The following FHL5 variants were observed in gnomAD, a reference collection of about 807,000 sequenced individuals.
FHL5 encodes the protein four and a half LIM domains protein 5.
In FHL5, 33 loss-of-function variants were observed where a neutral mutation model predicts 32.0. The ratio of observed to expected loss-of-function variants is 1.03; its 90% CI spans 0.78 to 1.38. The LOEUF (loss-of-function observed/expected upper bound fraction) is 1.38, where lower values mean the gene tolerates loss of function less well. Ranked by LOEUF, FHL5 falls within the 40% of genes most tolerant of loss-of-function variation. FHL5 has a pLI of 0.00. For missense variants in FHL5, 336 were observed against 343.9 expected (o/e 0.98, Z 0.18); for synonymous variants, 114 against 113.6 (o/e 1.00, Z -0.02).
chr6:96,605,725 A>T (rs890548035), intron 3 of FHL5, among the ~76,000 whole-genome samples, 177 bp from the exon 4 acceptor site: 3 of 151,322 alleles, frequency 2.0e-5, no homozygotes, highest in Non-Finnish European at 4.4e-5. Context: ...TTTATTAACC[A>T]TTTTTTTTTC....
Position 96,613,095 on chromosome 6 carries a change from G to C in FHL5, c.691+2337G>C, listed in dbSNP as rs182308434. On this transcript the variant is annotated intron_variant, in intron 5 of 5. Coordinates refer to ENST00000450218, the MANE Select transcript of FHL5 (RefSeq NM_001322466.2). ...ATACTTGAAAATTGCTAAGAGAATA[G>C]ATTTTTAAATGTTCTCACCACACAC... Among the ~76,000 whole-genome samples, 324 of 152,164 alleles carry C rather than the reference G, an allele frequency of 2.1e-3. 1 individual carries two copies. The highest frequency in any genetic ancestry group is 5.1e-3 in the African/African-American group (211 of 41,538).
intron 1 of FHL5, among the ~76,000 whole-genome samples, chr6:96,593,640 A>T (rs891029115): frequency 6.6e-6 from 1 of 152,116 alleles, no homozygotes; most frequent in Non-Finnish European, 1.5e-5. Context: ...ATTGACCTCA[A>T]TCTTTGTCCC....
intron 1 of FHL5, among the ~76,000 whole-genome samples, chr6:96,591,968 G>A (rs1770928722): frequency 6.6e-6 from 1 of 152,062 alleles, no homozygotes; most frequent in Non-Finnish European, 1.5e-5. Flanking sequence ...ACAGAGATCA[G>A]GTACTTCACA....
chr6:96,591,194 C>T (rs1431211243), intron 1 of FHL5, among the ~76,000 whole-genome samples: 1 of 152,054 alleles, frequency 6.6e-6, no homozygotes, highest in Non-Finnish European at 1.5e-5. Flanking sequence ...CTGGTAAAGC[C>T]ACTTTGGCTT....
chr6:96,618,120 A>T lies in FHL5; in HGVS notation c.*2348A>T, dbSNP rs1239487543. Reference sequence around the variant, plus strand: ...CACATATGCAAAACAACTAAGAAAAAGACCTCCTTAGGTCTTTGCGTAACA... The same window carrying T: ...CACATATGCAAAACAACTAAGAAAATGACCTCCTTAGGTCTTTGCGTAACA... On this transcript the variant is annotated 3_prime_UTR_variant, in exon 6 of 6. Transcript: ENST00000450218. 2.6e-5 allele frequency among the ~76,000 whole-genome samples: 4 copies of T among 152,228 alleles called. No homozygotes were observed. Among genetic ancestry groups the T allele is most frequent in the Non-Finnish European group, 5.9e-5 (4 of 68,042 alleles).
At chr6:96,585,811 C>T (rs910719533) in intron 1 of FHL5, among the ~76,000 whole-genome samples, 10 of 152,132 alleles carry the variant, frequency 6.6e-5, no homozygotes, top group Non-Finnish European at 1.3e-4. Context: ...TAATTATATC[C>T]TAGTGCACTT....
At chr6:96,609,229 C>T (rs998789202) in intron 4 of FHL5, among the ~76,000 whole-genome samples, 5 of 152,030 alleles carry the variant, frequency 3.3e-5, no homozygotes, top group Admixed American at 6.6e-5. Context: ...TTTTTGAGTT[C>T]GTAAACAACG....
chr6:96,612,587 T>C (rs990875781), intron 5 of FHL5, among the ~76,000 whole-genome samples: 2 of 152,044 alleles, frequency 1.3e-5, no homozygotes, highest in South Asian at 2.1e-4. Flanking sequence ...AAAGTTGAGA[T>C]GGAAAAACAA....
chr6:96,590,503 A>G (rs1770893283), intron 1 of FHL5, among the ~76,000 whole-genome samples: 1 of 152,038 alleles, frequency 6.6e-6, no homozygotes, highest in Admixed American at 6.5e-5. Flanking sequence ...TGTAAATTCT[A>G]ATCAGGTATT....
intron 1 of FHL5, among the ~76,000 whole-genome samples, chr6:96,571,895 T>C (rs562993400): frequency 6.6e-6 from 1 of 152,096 alleles, no homozygotes; most frequent in African/African-American, 2.4e-5. Context: ...TGGGGCCAAG[T>C]GTATTTGCTT....
At chr6:96,578,640 G>A (rs928484788) in intron 1 of FHL5, among the ~76,000 whole-genome samples, 6 of 152,048 alleles carry the variant, frequency 3.9e-5, no homozygotes, top group African/African-American at 7.2e-5. Context: ...TCAGGAGTTC[G>A]AGACTACCCT....
chr6:96,577,308 G>T (rs1393392542), intron 1 of FHL5, among the ~76,000 whole-genome samples: 1 of 151,860 alleles, frequency 6.6e-6, no homozygotes, highest in Non-Finnish European at 1.5e-5. Context: ...TTTGCTTCAG[G>T]TATAGATACT....
rs1304118398 is a variant in FHL5, at chr6:96,615,824, C to G, written c.*52C>G. On this transcript the variant is annotated 3_prime_UTR_variant, in exon 6 of 6. Coordinates refer to ENST00000450218, the MANE Select transcript of FHL5 (RefSeq NM_001322466.2). ...CATTTTGCCTTCGTTGTCACTAAAGCCAGAACTCAGTTGCGGTCTTATTTT... is the reference window on the plus strand; with the variant it reads ...CATTTTGCCTTCGTTGTCACTAAAGGCAGAACTCAGTTGCGGTCTTATTTT... 3 of 1,437,218 alleles carry G rather than the reference C, an allele frequency of 2.1e-6. No individual in the cohort carries two copies. The highest frequency in any genetic ancestry group is 2.9e-5 in the African/African-American group (2 of 68,990). 89.0% of individuals were successfully genotyped at this position (1,437,218 alleles called of 1,614,324 possible).
intron 4 of FHL5, among the ~76,000 whole-genome samples, chr6:96,609,103 C>T (rs7775721): frequency 0.39 from 59,819 of 151,938 alleles, 12,494 homozygotes; most frequent in African/African-American, 0.55. Context: ...ATGCTTTTTT[C>T]CCTCTAGGAA....
intron 4 of FHL5, among the ~76,000 whole-genome samples, chr6:96,608,726 A>G (rs1354029847): frequency 6.6e-6 from 1 of 152,144 alleles, no homozygotes; most frequent in African/African-American, 2.4e-5. Flanking sequence ...TTTTTCACAG[A>G]ACAAACTTGT....
intron 4 of FHL5, among the ~76,000 whole-genome samples, chr6:96,606,696 C>A (rs146608689): frequency 2.7e-3 from 412 of 152,236 alleles, no homozygotes; most frequent in African/African-American, 9.4e-3. Context: ...TGGGAGAAAG[C>A]ACAGGTCTCT....
chr6:96,590,938 G>C (rs1433406411), intron 1 of FHL5, among the ~76,000 whole-genome samples: 1 of 152,062 alleles, frequency 6.6e-6, no homozygotes, highest in Admixed American at 6.6e-5. Context: ...AAATCAACTT[G>C]ATCATGATAT....
At chr6:96,573,065 CTATT>C (rs1187116352) in intron 1 of FHL5, among the ~76,000 whole-genome samples, 5 of 152,158 alleles carry the variant, frequency 3.3e-5, no homozygotes, top group Non-Finnish European at 7.4e-5. Flanking sequence ...AGGTATCAAA[CTATT>C]TATTATCTTT....
At chr6:96,587,408 G>T (rs1377685827) in intron 1 of FHL5, among the ~76,000 whole-genome samples, 1 of 152,076 alleles carries the variant, frequency 6.6e-6, no homozygotes, top group Non-Finnish European at 1.5e-5. Flanking sequence ...CATTTACATG[G>T]TTAAATTCCC....
Sources: allele counts gnomAD v4.1 joint callset (sites outside exome capture counted in the v4.1 genomes callset), GRCh38; gene constraint gnomAD v4.1.1; transcripts MANE v1.5; gene names NCBI Gene and HGNC (gene_info 2026-07-23, HGNC 2026-07-21).